Variants in DMGDH observed in about 807,000 individuals in gnomAD.
DMGDH encodes dimethylglycine dehydrogenase, also known as dimethylglycine dehydrogenase, mitochondrial.
A neutral mutation model predicts 95.2 loss-of-function variants in DMGDH; 76 were observed. The ratio of observed to expected loss-of-function variants is 0.80; its 90% CI spans 0.66 to 0.97. DMGDH has a LOEUF of 0.97. Among genes scored for constraint, DMGDH ranks in the 50% least tolerant of loss-of-function variants. The pLI is 0.00. For synonymous variants in DMGDH, 345 were observed against 377.6 expected (o/e 0.91, Z 1.00); for missense variants, 987 against 1,055.0 (o/e 0.94, Z 0.89).
intron 5 of DMGDH, among the ~76,000 whole-genome samples, chr5:79,048,087 C>G (rs1381868734): frequency 6.6e-6 from 1 of 152,174 alleles, no homozygotes; most frequent in African/African-American, 2.4e-5. Context: ...ATGCTAGTGT[C>G]TCCCAGACTA....
At chr5:79,047,602 C>T (rs1214708361) in intron 5 of DMGDH, among the ~76,000 whole-genome samples, 2 of 152,132 alleles carry the variant, frequency 1.3e-5, no homozygotes, top group African/African-American at 4.8e-5. Context: ...TACCTGCCCG[C>T]GTCCCTGAGC....
chr5:79,043,067 T>A (rs1754560850), intron 6 of DMGDH, among the ~76,000 whole-genome samples: 1 of 152,174 alleles, frequency 6.6e-6, no homozygotes, highest in Non-Finnish European at 1.5e-5. Context: ...GCAATCCTCC[T>A]CTTGTCCTAA....
At chr5:79,029,070 G>A (rs567431471) in intron 11 of DMGDH, among the ~76,000 whole-genome samples, 10 of 152,170 alleles carry the variant, frequency 6.6e-5, no homozygotes, top group South Asian at 4.1e-4. Flanking sequence ...CACAAGACAC[G>A]TAATTGCTCT....
chr5:79,010,211 T>C (rs1039252342), intron 14 of DMGDH, among the ~76,000 whole-genome samples: 2 of 152,196 alleles, frequency 1.3e-5, no homozygotes, highest in Non-Finnish European at 2.9e-5. Context: ...AGGAACCATA[T>C]TACCTAAAAG....
In DMGDH at chr5:79,058,174, T is replaced by A. The variant is rs1180855100; in HGVS notation, c.277-2266A>T. On this transcript the variant is annotated intron_variant, in intron 2 of 15. Transcript: ENST00000255189. ...TACCCTCTTTTCCTTGCTGCTACGA[T>A]AGTCAGAAGTAAGATATGGACTCAA... Among the ~76,000 whole-genome samples the A allele has an allele frequency of 3.3e-5, 5 of 152,244 alleles. No individual in the cohort carries two copies. In the East Asian group the frequency reaches 5.8e-4, roughly 18 times the overall value.
At chr5:79,011,314 TC>T (rs1753644061) in intron 14 of DMGDH, among the ~76,000 whole-genome samples, 2 of 152,218 alleles carry the variant, frequency 1.3e-5, no homozygotes, top group Admixed American at 1.3e-4. Context: ...AAATTATGGA[TC>T]TTGCCAGCAG....
chr5:79,048,105 G>A (rs1380166243), intron 5 of DMGDH, among the ~76,000 whole-genome samples: 2 of 152,142 alleles, frequency 1.3e-5, no homozygotes. Flanking sequence ...CTACGGCATG[G>A]AATATCAAGG....
intron 7 of DMGDH, among the ~76,000 whole-genome samples, chr5:79,033,736 G>A (rs906972071): frequency 2.6e-5 from 4 of 152,130 alleles, no homozygotes; most frequent in African/African-American, 9.7e-5. Context: ...TTCGAGAACG[G>A]CCTGGCCAAC....
At chr5:79,022,842 C>G (rs551643539) in intron 14 of DMGDH, among the ~76,000 whole-genome samples, 1 of 152,286 alleles carries the variant, frequency 6.6e-6, no homozygotes, top group African/African-American at 2.4e-5. Flanking sequence ...ATCTATCTAC[C>G]TACTGGTGAC....
At chr5:79,017,332 C>T (rs1367851069) in intron 14 of DMGDH, among the ~76,000 whole-genome samples, 1 of 151,604 alleles carries the variant, frequency 6.6e-6, no homozygotes, top group Non-Finnish European at 1.5e-5. Flanking sequence ...TTAAAAAAAA[C>T]AAACCCTAGG....
chr5:79,037,384 C>T (rs1754375134), intron 7 of DMGDH, among the ~76,000 whole-genome samples: 1 of 152,192 alleles, frequency 6.6e-6, no homozygotes, highest in Admixed American at 6.5e-5. Flanking sequence ...CACTGGCCTC[C>T]AGAGCCATGG....
Position 79,063,700 on chromosome 5 carries a change from A to G in DMGDH, c.189T>C (p.Ser63=). The G allele has an allele frequency of 6.2e-7, 1 of 1,614,120 alleles. No individual in the cohort carries two copies. The highest frequency in any genetic ancestry group is 8.5e-7 in the Non-Finnish European group (1 of 1,180,020). The change falls in exon 2 of 16, where the codon AGT becomes AGC. Residue 63 remains serine, a synonymous_variant. Transcript: ENST00000255189. ...VIIGGGCVGV[S]LAYHLAKAGM... ...CTGCTTTGGCCAGGTGATAAGCCAGACTCACACCAACACAGCCACCTCCAA... is the reference window on the plus strand; with the variant it reads ...CTGCTTTGGCCAGGTGATAAGCCAGGCTCACACCAACACAGCCACCTCCAA...
chr5:78,999,237 G>T (rs1392170659), intron 15 of DMGDH, among the ~76,000 whole-genome samples: 2 of 152,208 alleles, frequency 1.3e-5, no homozygotes, highest in African/African-American at 2.4e-5. Flanking sequence ...ACACATTCAT[G>T]ACTTTAATTG....
Position 79,005,319 on chromosome 5 carries a change from T to C in DMGDH, c.2339A>G (p.Asp780Gly), listed in dbSNP as rs1299146897. 6.2e-7 allele frequency: 1 copy of C among 1,613,784 alleles called. No homozygotes were observed. Among genetic ancestry groups the C allele is most frequent in the African/African-American group, 1.3e-5 (1 of 75,056 alleles). Residue 780 changes from aspartate (D) to glycine (G), a missense_variant, in exon 15 of 16, where the codon GAT (aspartate) becomes GGT (glycine). Transcript: ENST00000255189. Reference protein sequence around the residue: ...RRLVCLTLATDDVDPEGNESI... With the variant: ...RRLVCLTLATGDVDPEGNESI... ...TTCATTTCCCTCTGGATCAACATCATCCGTTGCCAAGGTGAGGCAGACCAG... is the reference window on the plus strand; with the variant it reads ...TTCATTTCCCTCTGGATCAACATCACCCGTTGCCAAGGTGAGGCAGACCAG...
At chr5:79,055,261 C>G (rs1276569384) in intron 3 of DMGDH, among the ~76,000 whole-genome samples, 2 of 152,208 alleles carry the variant, frequency 1.3e-5, no homozygotes, top group African/African-American at 4.8e-5. Context: ...CCATGCTAAT[C>G]CTTTGGCTTT....
At chr5:79,064,170 T>C (rs1353435348) in intron 1 of DMGDH, among the ~76,000 whole-genome samples, 3 of 152,120 alleles carry the variant, frequency 2.0e-5, no homozygotes, top group Admixed American at 1.3e-4. Context: ...CTGGGCAACA[T>C]GACGAAGCCC....
intron 13 of DMGDH, 105 bp downstream of exon 13, chr5:79,026,319 T>A: frequency 7.0e-7 from 1 of 1,434,040 alleles, no homozygotes; most frequent in Non-Finnish European, 9.7e-7. Flanking sequence ...TGATATGTAA[T>A]TTCTCTTACA....
intron 15 of DMGDH, among the ~76,000 whole-genome samples, chr5:79,002,072 T>C (rs1419293920): frequency 6.6e-6 from 1 of 152,220 alleles, no homozygotes; most frequent in South Asian, 2.1e-4. Context: ...TAATTCTCAT[T>C]TATTTTTAGC....
intron 5 of DMGDH, among the ~76,000 whole-genome samples, chr5:79,048,149 C>T (rs199667320): frequency 3.3e-5 from 5 of 150,646 alleles, no homozygotes; most frequent in Non-Finnish European, 3.0e-5. Flanking sequence ...ATTATTATAC[C>T]TTTTTTTTTA....
Sources: allele counts gnomAD v4.1 joint callset (sites outside exome capture counted in the v4.1 genomes callset), GRCh38; gene constraint gnomAD v4.1.1; transcripts MANE v1.5; gene names NCBI Gene and HGNC (gene_info 2026-07-23, HGNC 2026-07-21).